Variants in KCNH5 observed in about 807,000 individuals in gnomAD.
KCNH5 encodes the protein voltage-gated delayed rectifier potassium channel KCNH5.
Under a neutral mutation model 96.1 loss-of-function variants are expected in KCNH5, and 46 were observed. The ratio of observed to expected loss-of-function variants is 0.48; its 90% confidence interval spans 0.38 to 0.61. The LOEUF is 0.61. Among genes scored for constraint, KCNH5 ranks in the 20% least tolerant of loss-of-function variants. KCNH5 has a pLI of 0.00. For missense variants in KCNH5, 907 were observed against 1,225.8 expected (o/e 0.74, Z 3.88); for synonymous variants, 439 against 449.8 (o/e 0.98, Z 0.30).
chr14:62,908,497 C>T (rs1889073993), intron 7 of KCNH5, among the ~76,000 whole-genome samples: 1 of 152,144 alleles, frequency 6.6e-6, no homozygotes, highest in Admixed American at 6.5e-5. Context: ...CTTGTTGAAA[C>T]TTAGAGGAAG....
At chr14:62,938,863 G>A (rs556399368) in intron 7 of KCNH5, among the ~76,000 whole-genome samples, 131 of 152,234 alleles carry the variant, frequency 8.6e-4, no homozygotes, top group African/African-American at 2.8e-3. Flanking sequence ...GCTACCTTTC[G>A]TTTTATAACA....
At chr14:62,925,367 T>C (rs1889455217) in intron 7 of KCNH5, among the ~76,000 whole-genome samples, 1 of 152,036 alleles carries the variant, frequency 6.6e-6, no homozygotes, top group Non-Finnish European at 1.5e-5. Context: ...TGGTCTTTCT[T>C]TTGTGTAACT....
At chr14:62,899,110 C>A (rs930629595) in intron 7 of KCNH5, among the ~76,000 whole-genome samples, 1 of 152,092 alleles carries the variant, frequency 6.6e-6, no homozygotes, top group African/African-American at 2.4e-5. Flanking sequence ...CAATTCACAA[C>A]CCACAAAAAT....
At chr14:62,759,719 G>A (rs912428541) in intron 10 of KCNH5, among the ~76,000 whole-genome samples, 8 of 151,728 alleles carry the variant, frequency 5.3e-5, no homozygotes, top group Admixed American at 2.6e-4. Flanking sequence ...TAAAATTGCT[G>A]GTTCAAAATT....
intron 2 of KCNH5, among the ~76,000 whole-genome samples, chr14:63,007,477 G>A (rs1891148500): frequency 6.6e-6 from 1 of 152,042 alleles, no homozygotes; most frequent in South Asian, 2.1e-4. Context: ...CGTTTCTAAT[G>A]TTCAAAATCA....
chr14:62,862,020 G>T (rs1888045263), intron 7 of KCNH5, among the ~76,000 whole-genome samples: 1 of 152,014 alleles, frequency 6.6e-6, no homozygotes, highest in Non-Finnish European at 1.5e-5. Context: ...TTTTGTACTA[G>T]AAACACATTT....
At chr14:62,839,885 GT>G (rs143900061) in intron 8 of KCNH5, among the ~76,000 whole-genome samples, 1 of 151,938 alleles carries the variant, frequency 6.6e-6, no homozygotes, top group Non-Finnish European at 1.5e-5. Context: ...AAATTCTATT[GT>G]TTTTTTCTAT....
At chr14:62,743,099 C>T (rs182696204) in intron 10 of KCNH5, among the ~76,000 whole-genome samples, 6 of 152,096 alleles carry the variant, frequency 3.9e-5, no homozygotes, top group Admixed American at 3.9e-4. Context: ...TGGCATTTTA[C>T]CCCTGGAGAT....
At chr14:62,997,276 G>T (rs1203394544) in intron 4 of KCNH5, among the ~76,000 whole-genome samples, 1 of 152,094 alleles carries the variant, frequency 6.6e-6, no homozygotes, top group East Asian at 1.9e-4. Flanking sequence ...GGCTGGGAAG[G>T]GTAGTTGGGG....
chr14:62,900,597 G>A (rs1888905174), intron 7 of KCNH5, among the ~76,000 whole-genome samples: 1 of 152,100 alleles, frequency 6.6e-6, no homozygotes, highest in Non-Finnish European at 1.5e-5. Context: ...CTAAGTTACA[G>A]TAAGTAGTGG....
chr14:62,855,113 G>A (rs557090007), intron 7 of KCNH5, among the ~76,000 whole-genome samples: 6 of 151,762 alleles, frequency 4.0e-5, no homozygotes, highest in African/African-American at 7.3e-5. Flanking sequence ...GAGGAAGCCC[G>A]AGCATTTTTC....
At chr14:63,034,167 C>T (rs1891680583) in intron 1 of KCNH5, among the ~76,000 whole-genome samples, 1 of 152,160 alleles carries the variant, frequency 6.6e-6, no homozygotes, top group African/African-American at 2.4e-5. Flanking sequence ...ATCCGCCTGC[C>T]TCGGCCTTCC....
chr14:62,840,776 T>C (rs970866596), intron 8 of KCNH5, among the ~76,000 whole-genome samples: 1 of 151,594 alleles, frequency 6.6e-6, no homozygotes, highest in African/African-American at 2.4e-5. Context: ...CACCATGTTG[T>C]CCAGGATGGT....
At chr14:62,877,921 A>T (rs1361571527) in intron 7 of KCNH5, among the ~76,000 whole-genome samples, 2 of 151,794 alleles carry the variant, frequency 1.3e-5, no homozygotes, top group Non-Finnish European at 2.9e-5. Flanking sequence ...CACTATTCAC[A>T]ATAGCAAAGA....
chr14:62,900,357 A>T (rs977897582), intron 7 of KCNH5, among the ~76,000 whole-genome samples: 9 of 152,260 alleles, frequency 5.9e-5, no homozygotes, highest in Admixed American at 3.3e-4. Context: ...TTAACCAATG[A>T]ATAGCTTAAG....
intron 7 of KCNH5, among the ~76,000 whole-genome samples, chr14:62,885,180 A>G (rs1159806713): frequency 8.5e-5 from 13 of 152,226 alleles, no homozygotes; most frequent in Non-Finnish European, 1.9e-4. Flanking sequence ...AACATAATTA[A>G]GAAACCCACA....
intron 6 of KCNH5, among the ~76,000 whole-genome samples, chr14:62,952,454 C>CT (rs1210315373): frequency 6.6e-6 from 1 of 152,088 alleles, no homozygotes; most frequent in Non-Finnish European, 1.5e-5. Flanking sequence ...GTTTTAAGCC[C>CT]TGGGGATATT....
chr14:62,970,722 T>C (rs1374382005), intron 6 of KCNH5, among the ~76,000 whole-genome samples: 1 of 152,122 alleles, frequency 6.6e-6, no homozygotes, highest in Non-Finnish European at 1.5e-5. Flanking sequence ...ATGTAATCCA[T>C]AACATCAACA....
At position 62,703,491 on chromosome 14, in the gene KCNH5, TTTG is replaced by T. The variant is rs1177553424; in HGVS notation, c.*4014_*4016del. On this transcript the variant is annotated 3_prime_UTR_variant, in exon 11 of 11. Transcript: ENST00000322893. ...ATATAAGGAAGCAACAGCTGTTATC[TTTG>T]TTTTCTTATTTATTGGCGGGGAAAT... 1 of 151,908 alleles carries T rather than the reference TTTG, an allele frequency of 6.6e-6. No individual in the cohort carries two copies. Among genetic ancestry groups the T allele is most frequent in the African/African-American group, 2.4e-5 (1 of 41,434 alleles). 9.4% of individuals were successfully genotyped at this position (151,908 alleles called of 1,614,324 possible).
Sources: allele counts gnomAD v4.1 joint callset (sites outside exome capture counted in the v4.1 genomes callset), GRCh38; gene constraint gnomAD v4.1.1; transcripts MANE v1.5; gene names NCBI Gene and HGNC (gene_info 2026-07-23, HGNC 2026-07-21).